The following PLEKHH2 variants were observed in gnomAD, a reference collection of about 807,000 sequenced individuals.
The protein encoded by PLEKHH2 is pleckstrin homology, MyTH4 and FERM domain containing H2.
PLEKHH2 carries 129 observed loss-of-function variants against 187.9 expected under a neutral mutation model. The observed-to-expected ratio is 0.69, with a 90% CI of 0.59 to 0.79. The LOEUF (loss-of-function observed/expected upper bound fraction) is 0.79, where lower values mean the gene tolerates loss of function less well. Ranked by LOEUF, PLEKHH2 falls within the 30% of genes least tolerant of loss-of-function variation. PLEKHH2 has a pLI of 0.00. For missense variants in PLEKHH2, 2,076 were observed against 1,751.2 expected, an observed-to-expected ratio of 1.19 and a Z score of -3.31; for synonymous variants, 686 against 605.6, an observed-to-expected ratio of 1.13 and a Z score of -1.95.
chr2:43,685,688 A>T (rs1198144753), intron 3 of PLEKHH2, among the ~76,000 whole-genome samples: 2 of 148,276 alleles, frequency 1.3e-5, no homozygotes, highest in African/African-American at 5.0e-5. Context: ...GCAATCCTCC[A>T]GCCTCAGCCT....
At chr2:43,681,406 T>C (rs1668176286) in intron 3 of PLEKHH2, 1 of 1,547,468 alleles carries the variant, frequency 6.5e-7, no homozygotes, top group African/African-American at 1.4e-5. Flanking sequence ...CTTTGTTCTT[T>C]CCTTTGTTTT....
chr2:43,765,713 T>A lies in PLEKHH2; in HGVS notation c.*115T>A. 2.1e-6 allele frequency: 2 copies of A among 946,666 alleles called. No individual in the cohort carries two copies. Among genetic ancestry groups the A allele is most frequent in the Non-Finnish European group, 3.0e-6 (2 of 659,390 alleles). The allele number at this position is 946,666 out of a possible 1,614,324, so 58.6% of individuals were successfully genotyped here. A position where few individuals can be genotyped will look rare whatever the true frequency, so the allele number is the denominator to read the frequency against. On this transcript the variant is annotated 3_prime_UTR_variant, in exon 30 of 30. Transcript: ENST00000282406. ...AGCCACACACCGGTATTCCAAACCT[T>A]AACAATGAAGGGGGTTAGTCTCTTT... is the stretch of plus-strand genomic sequence containing the variant.
At chr2:43,746,987 G>A (rs1281438501) in intron 24 of PLEKHH2, among the ~76,000 whole-genome samples, 1 of 151,722 alleles carries the variant, frequency 6.6e-6, no homozygotes. Context: ...AAAAAGAGGA[G>A]ATACCTATGT....
Position 43,765,698 on chromosome 2 carries a change from C to G in PLEKHH2, c.*100C>G. On this transcript the variant is annotated 3_prime_UTR_variant, in exon 30 of 30. Transcript: ENST00000282406. Reference sequence around the variant, plus strand: ...ACCTGGCAGCACGGCAGCCACACACCGGTATTCCAAACCTTAACAATGAAG... The same window carrying G: ...ACCTGGCAGCACGGCAGCCACACACGGGTATTCCAAACCTTAACAATGAAG... The G allele has an allele frequency of 3.5e-6, 4 of 1,139,318 alleles. No homozygotes were observed. The East Asian group carries it at 7.8e-5, about 22-fold the overall frequency. 70.6% of individuals were successfully genotyped at this position (1,139,318 alleles called of 1,614,324 possible).
At chr2:43,694,370 A>G in intron 4 of PLEKHH2, 61 bp from the exon 5 acceptor site, 1 of 1,482,552 alleles carries the variant, frequency 6.7e-7, no homozygotes, top group Middle Eastern at 1.8e-4. Context: ...TATTTATGGT[A>G]AAACATTTCC....
Position 43,699,994 on chromosome 2 carries a change from C to T in PLEKHH2, c.1036C>T (p.Pro346Ser), listed in dbSNP as rs377123313. The change falls in exon 8 of 30, where the codon CCA becomes TCA. Residue 346 changes from proline (P) to serine (S), a missense_variant. By Grantham distance (74) the Pro-to-Ser change is moderately conservative (BLOSUM62 -1). Coordinates refer to ENST00000282406, the MANE Select transcript of PLEKHH2 (RefSeq NM_172069.4). ...GGAAGAGACTTTTGGCATAAAGAGA[C>T]CAGAACACAAGAAGCTATATTCTTG... The part of the protein sequence containing the change: ...FEEETFGIKR[P>S]EHKKLYSWQQ... 3.1e-6 allele frequency: 5 copies of T among 1,613,936 alleles called. No individual in the cohort carries two copies. In the African/African-American group the frequency reaches 4.0e-5, roughly 13 times the overall value.
chr2:43,736,092 A>T (rs989088724), intron 19 of PLEKHH2, among the ~76,000 whole-genome samples: 1 of 152,290 alleles, frequency 6.6e-6, no homozygotes, highest in South Asian at 2.1e-4. Flanking sequence ...CTGTTAGGGA[A>T]CTAACCGATG....
At chr2:43,733,505 C>G (rs1047044265) in intron 19 of PLEKHH2, among the ~76,000 whole-genome samples, 6 of 152,036 alleles carry the variant, frequency 3.9e-5, no homozygotes, top group South Asian at 2.1e-4. Flanking sequence ...TTTCCCTAGT[C>G]TCTTGGAGCT....
At chr2:43,654,713 C>G (rs1459790112) in intron 2 of PLEKHH2, among the ~76,000 whole-genome samples, 2 of 131,716 alleles carry the variant, frequency 1.5e-5, no homozygotes, top group Admixed American at 7.5e-5. Flanking sequence ...CACCCCCCCC[C>G]CCCGCATCTC....
intron 26 of PLEKHH2, among the ~76,000 whole-genome samples, chr2:43,757,758 ATATT>A (rs1001692744): frequency 3.2e-5 from 4 of 124,934 alleles, no homozygotes; most frequent in Non-Finnish European, 7.0e-5. Context: ...TTTAGAATCT[ATATT>A]TAAACTTTCT....
At chr2:43,640,665 A>G (rs1665857778) in intron 1 of PLEKHH2, among the ~76,000 whole-genome samples, 1 of 152,098 alleles carries the variant, frequency 6.6e-6, no homozygotes, top group Non-Finnish European at 1.5e-5. Context: ...TGTTGTTGTG[A>G]CTTTGATTTG....
intron 16 of PLEKHH2, among the ~76,000 whole-genome samples, chr2:43,721,028 C>G (rs2722959): frequency 6.6e-6 from 1 of 152,228 alleles, no homozygotes; most frequent in East Asian, 1.9e-4. Flanking sequence ...CCATCAGTTT[C>G]TTATATTTTC....
At chr2:43,763,669 C>G (rs1396266463) in intron 28 of PLEKHH2, among the ~76,000 whole-genome samples, 1 of 151,448 alleles carries the variant, frequency 6.6e-6, no homozygotes, top group Admixed American at 6.6e-5. Flanking sequence ...ACCTCAGCCT[C>G]AGGCGTGAGC....
chr2:43,727,209 TCGA>T (rs1214338244), intron 17 of PLEKHH2, among the ~76,000 whole-genome samples: 2 of 152,042 alleles, frequency 1.3e-5, no homozygotes, highest in East Asian at 3.9e-4. Flanking sequence ...GTCAGGAAGA[TCGA>T]GACCATCTTG....
intron 2 of PLEKHH2, among the ~76,000 whole-genome samples, chr2:43,655,303 C>T (rs1296868005): frequency 6.6e-6 from 1 of 151,938 alleles, no homozygotes; most frequent in East Asian, 1.9e-4. Flanking sequence ...AAAAAAATAT[C>T]TGTATAGGAT....
chr2:43,707,864 C>T (rs1033799030), intron 11 of PLEKHH2, among the ~76,000 whole-genome samples: 2 of 151,892 alleles, frequency 1.3e-5, no homozygotes, highest in African/African-American at 4.8e-5. Context: ...AGACTTATTT[C>T]AGCTAAAGTT....
intron 24 of PLEKHH2, among the ~76,000 whole-genome samples, chr2:43,750,518 C>T (rs1671968163): frequency 6.6e-6 from 1 of 151,936 alleles, no homozygotes; most frequent in Non-Finnish European, 1.5e-5. Context: ...CTCATGATTC[C>T]AGAGACCTCT....
intron 3 of PLEKHH2, among the ~76,000 whole-genome samples, chr2:43,686,054 C>T (rs1399945475): frequency 2.0e-5 from 3 of 152,156 alleles, no homozygotes; most frequent in Non-Finnish European, 4.4e-5. Flanking sequence ...TTAAAGTTGC[C>T]TCTGACCATT....
intron 1 of PLEKHH2, among the ~76,000 whole-genome samples, chr2:43,640,686 C>A (rs1184614089): frequency 1.3e-5 from 2 of 152,166 alleles, no homozygotes; most frequent in African/African-American, 2.4e-5. Flanking sequence ...CATTTTCTCT[C>A]ATAGCAAATA....
Sources: gnomAD v4.1 joint callset for allele counts (sites outside exome capture counted in the v4.1 genomes callset) on GRCh38, gnomAD v4.1.1 for gene constraint, MANE v1.5 for transcripts, NCBI Gene and HGNC (gene_info 2026-07-23, HGNC 2026-07-21) for gene names.